The following LRBA variants were observed in gnomAD, a reference collection of about 807,000 sequenced individuals.
The protein encoded by LRBA is lipopolysaccharide-responsive and beige-like anchor protein.
In LRBA, 176 loss-of-function variants were observed where a neutral mutation model predicts 330.0. The observed-to-expected ratio is 0.53, with a 90% CI of 0.47 to 0.60. The LOEUF is 0.60. Among genes scored for constraint, LRBA ranks in the 20% least tolerant of loss-of-function variants. LRBA has a pLI of 0.00. For missense variants in LRBA, 3,259 were observed against 3,444.8 expected (o/e 0.95, Z 1.35); for synonymous variants, 1,230 against 1,193.0 (o/e 1.03, Z -0.64).
chr4:151,009,087 GAACTTCTGACCTCA>G (rs1744508814), intron 2 of LRBA, among the ~76,000 whole-genome samples: 1 of 134,646 alleles, frequency 7.4e-6, no homozygotes, highest in African/African-American at 2.8e-5. Flanking sequence ...GGCTGGTGTT[GAACTTCTGACCTCA>G]AACTTCTGAC....
chr4:150,424,437 G>T (rs1383884064), intron 46 of LRBA, among the ~76,000 whole-genome samples: 1 of 152,172 alleles, frequency 6.6e-6, no homozygotes. Flanking sequence ...TGAAATAAAT[G>T]TGAGCTATAT....
intron 2 of LRBA, among the ~76,000 whole-genome samples, chr4:150,948,193 T>TA (rs1391472156): frequency 5.3e-5 from 8 of 151,980 alleles, no homozygotes; most frequent in Non-Finnish European, 8.8e-5. Context: ...AAGAGAAAGA[T>TA]AAAGTAGAAA....
chr4:150,271,107 C>T (rs531296386), intron 56 of LRBA, among the ~76,000 whole-genome samples: 18 of 152,158 alleles, frequency 1.2e-4, no homozygotes, highest in South Asian at 4.2e-4. Flanking sequence ...CACAAGGGGT[C>T]GGGGAATTCC....
chr4:150,512,156 T>C (rs1181317006), intron 40 of LRBA, among the ~76,000 whole-genome samples: 1 of 152,220 alleles, frequency 6.6e-6, no homozygotes, highest in South Asian at 2.1e-4. Context: ...GTTTCAAAAC[T>C]GAACAGAAAA....
At chr4:150,660,231 GC>G (rs1280485422) in intron 37 of LRBA, among the ~76,000 whole-genome samples, 2 of 11,780 alleles carry the variant, frequency 1.7e-4, no homozygotes, top group Non-Finnish European at 7.4e-4. Flanking sequence ...TGCCCGGCCA[GC>G]CGCCCCGTCC....
chr4:150,623,475 T>C (rs1776517647), intron 37 of LRBA, among the ~76,000 whole-genome samples: 1 of 152,104 alleles, frequency 6.6e-6, no homozygotes, highest in South Asian at 2.1e-4. Context: ...GAGGTAGATA[T>C]ACATAAAATA....
rs1161484505 is a variant in LRBA, at chr4:150,402,775, T to TTATC, written c.7194+12659_7194+12662dup. ...CTAATGATAATTCTAAAATATAGAA[T>TTATC]TATCTATCTCTCTCTATATATATAA... On this transcript the variant is annotated intron_variant, in intron 47 of 56. Coordinates refer to ENST00000651943, the MANE Select transcript of LRBA (RefSeq NM_001364905.1). Among the ~76,000 whole-genome samples, 4 of 115,868 alleles carry TTATC rather than the reference T, an allele frequency of 3.5e-5. 1 individual carries two copies. The highest frequency in any genetic ancestry group is 6.4e-4 in the South Asian group (2 of 3,146). The allele number at this position is 115,868 out of a possible 152,430, so 76.0% of individuals were successfully genotyped here.
At chr4:150,396,328 G>A (rs1353016430) in intron 47 of LRBA, among the ~76,000 whole-genome samples, 2 of 152,040 alleles carry the variant, frequency 1.3e-5, no homozygotes, top group African/African-American at 4.8e-5. Context: ...CATCAGACTG[G>A]GAGTTACACC....
At chr4:150,325,536 C>G (rs962414684) in intron 49 of LRBA, among the ~76,000 whole-genome samples, 9 of 152,142 alleles carry the variant, frequency 5.9e-5, no homozygotes, top group Non-Finnish European at 1.3e-4. Context: ...CTTTATCCTA[C>G]AGTGAGGATT....
At chr4:150,296,671 A>C (rs1729014691) in intron 53 of LRBA, among the ~76,000 whole-genome samples, 1 of 152,226 alleles carries the variant, frequency 6.6e-6, no homozygotes, top group South Asian at 2.1e-4. Context: ...CTTCGTAAAA[A>C]AAAAATCAGA....
chr4:150,794,173 G>C (rs1432073813), intron 34 of LRBA, among the ~76,000 whole-genome samples: 1 of 152,126 alleles, frequency 6.6e-6, no homozygotes, highest in African/African-American at 2.4e-5. Flanking sequence ...GCATATTTGG[G>C]TATCTTTAAA....
intron 28 of LRBA, among the ~76,000 whole-genome samples, chr4:150,838,718 CTTCTTTTGGATGGG>C (rs1450807398): frequency 2.0e-5 from 3 of 152,286 alleles, no homozygotes; most frequent in Non-Finnish European, 2.9e-5. Flanking sequence ...GTTTTCATAG[CTTCTTTTGGATGGG>C]TTCAAACTTC....
At chr4:150,472,628 C>G (rs1270677043) in intron 42 of LRBA, among the ~76,000 whole-genome samples, 1 of 152,072 alleles carries the variant, frequency 6.6e-6, no homozygotes, top group African/African-American at 2.4e-5. Context: ...TGCCTTGTAC[C>G]TATTTACAGA....
At chr4:150,809,850 A>ATACG (rs1743358518) in intron 31 of LRBA, among the ~76,000 whole-genome samples, 11 of 87,714 alleles carry the variant, frequency 1.3e-4, no homozygotes, top group Non-Finnish European at 2.5e-4. Flanking sequence ...CCTGTCTTAA[A>ATACG]ATACGATACG....
At chr4:150,802,457 ATAAT>A (rs1741804363) in intron 33 of LRBA, among the ~76,000 whole-genome samples, 1 of 152,100 alleles carries the variant, frequency 6.6e-6, no homozygotes, top group Non-Finnish European at 1.5e-5. Flanking sequence ...CACTAAGACT[ATAAT>A]TAATCATATT....
At chr4:150,415,772 C>T (rs1215059289) in intron 46 of LRBA, among the ~76,000 whole-genome samples, 182 bp from the exon 47 acceptor site, 1 of 152,070 alleles carries the variant, frequency 6.6e-6, no homozygotes, top group Non-Finnish European at 1.5e-5. Context: ...CCTATCTAAC[C>T]CAACTTAAAT....
chr4:150,363,813 A>T (rs756986201), intron 47 of LRBA, among the ~76,000 whole-genome samples: 1 of 152,200 alleles, frequency 6.6e-6, no homozygotes, highest in Non-Finnish European at 1.5e-5. Flanking sequence ...GCATTTAAGA[A>T]ATTCTTCTGA....
chr4:150,426,179 A>T (rs968279096), intron 46 of LRBA, among the ~76,000 whole-genome samples: 2 of 152,004 alleles, frequency 1.3e-5, no homozygotes, highest in South Asian at 2.1e-4. Context: ...TTTCAAGTTG[A>T]TATTTAAATT....
At chr4:150,511,104 G>A (rs534117811) in intron 40 of LRBA, among the ~76,000 whole-genome samples, 36 of 151,990 alleles carry the variant, frequency 2.4e-4, no homozygotes, top group African/African-American at 8.0e-4. Context: ...GTCATCCTCC[G>A]GCCTTGGCCT....
Sources: gnomAD v4.1 joint callset for allele counts (sites outside exome capture counted in the v4.1 genomes callset) on GRCh38, gnomAD v4.1.1 for gene constraint, MANE v1.5 for transcripts, NCBI Gene and HGNC (gene_info 2026-07-23, HGNC 2026-07-21) for gene names.